TRPC5: variants seen among roughly 807,000 people sequenced by gnomAD.
TRPC5 encodes the protein short transient receptor potential channel 5.
A neutral mutation model predicts 56.5 loss-of-function variants in TRPC5; 9 were observed. That is an observed-to-expected ratio of 0.16 (90% CI 0.10 to 0.28). TRPC5 has a LOEUF of 0.28. Ranked by LOEUF, TRPC5 falls within the 10% of genes least tolerant of loss-of-function variation. TRPC5 has a pLI of 1.00. For missense variants in TRPC5, 469 were observed against 748.9 expected, an observed-to-expected ratio of 0.63 and a Z score of 4.36; for synonymous variants, 282 against 278.5, an observed-to-expected ratio of 1.01 and a Z score of -0.13.
intron 1 of TRPC5, among the ~76,000 whole-genome samples, chrX:111,982,503 T>C (rs1334401254): frequency 3.6e-5 from 4 of 111,364 alleles, no homozygotes; most frequent in Non-Finnish European, 7.5e-5. Flanking sequence ...CAGGGCATGG[T>C]AATATTAAGA....
intron 1 of TRPC5, among the ~76,000 whole-genome samples, chrX:112,000,490 G>A (rs73548172): frequency 0.06 from 6,681 of 111,893 alleles, 500 homozygotes; most frequent in African/African-American, 0.2. Context: ...CTGGGGAGCA[G>A]CGTGGGCTTT....
rs188091389 is a variant in TRPC5 at position 112,061,161 on chromosome X, G to T, written c.-22+20718C>A. 1.5e-3 allele frequency among the ~76,000 whole-genome samples: 173 copies of T among 112,278 alleles called. 1 individual carries two copies. Among genetic ancestry groups the T allele is most frequent in the Non-Finnish European group, 2.5e-3 (133 of 53,271 alleles). On this transcript the variant is annotated intron_variant, in intron 1 of 10. Coordinates refer to ENST00000262839, the MANE Select transcript of TRPC5 (RefSeq NM_012471.3). ...TAATTAAACATACACAGAGTTTCTT[G>T]GACTGTATCAAGCTCTGTTTACTGT...
intron 1 of TRPC5, among the ~76,000 whole-genome samples, chrX:111,999,100 C>T (rs1280834277): frequency 4.5e-5 from 5 of 110,883 alleles, no homozygotes; most frequent in African/African-American, 1.3e-4. Context: ...CCTTGTGCCC[C>T]AACCCCTGAC....
At chrX:112,076,097 C>T (rs1930827939) in intron 1 of TRPC5, among the ~76,000 whole-genome samples, 1 of 111,975 alleles carries the variant, frequency 8.9e-6, no homozygotes, top group East Asian at 2.8e-4. Context: ...ATTGATAACA[C>T]GTGCTATTGT....
chrX:112,021,981 A>T (rs1266440743), intron 1 of TRPC5, among the ~76,000 whole-genome samples: 1 of 112,281 alleles, frequency 8.9e-6, no homozygotes, highest in Non-Finnish European at 1.9e-5. Flanking sequence ...AATAAACGGG[A>T]TGATGATTTG....
intron 6 of TRPC5, among the ~76,000 whole-genome samples, chrX:111,840,457 GA>G (rs1173452922): frequency 1.8e-5 from 2 of 112,051 alleles, no homozygotes; most frequent in African/African-American, 6.5e-5. Flanking sequence ...ATAATGACAG[GA>G]AAAAAAGTCT....
At chrX:112,001,626 T>G (rs1928699005) in intron 1 of TRPC5, among the ~76,000 whole-genome samples, 1 of 111,271 alleles carries the variant, frequency 9.0e-6, no homozygotes, top group Non-Finnish European at 1.9e-5. Flanking sequence ...CCAGGCATGT[T>G]GGTGCACGCT....
At chrX:111,995,771 T>A (rs1325087661) in intron 1 of TRPC5, among the ~76,000 whole-genome samples, 1 of 111,126 alleles carries the variant, frequency 9.0e-6, no homozygotes, top group Non-Finnish European at 1.9e-5. Context: ...TTTATATATA[T>A]TTTATAGTAT....
At chrX:112,041,881 G>A (rs146435332) in intron 1 of TRPC5, among the ~76,000 whole-genome samples, 242 of 111,488 alleles carry the variant, frequency 2.2e-3, no homozygotes, top group Non-Finnish European at 3.9e-3. Flanking sequence ...TTTTATGAAC[G>A]TGGCTCCTCT....
At chrX:112,051,714 GCAAT>G (rs1186939541) in intron 1 of TRPC5, among the ~76,000 whole-genome samples, 1 of 112,127 alleles carries the variant, frequency 8.9e-6, no homozygotes, top group Non-Finnish European at 1.9e-5. Flanking sequence ...ACATGGTTGT[GCAAT>G]CAGTCTCTAG....
chrX:111,936,589 G>T lies in TRPC5; in HGVS notation c.378+15454C>A, dbSNP rs762845245. Among the ~76,000 whole-genome samples the T allele has an allele frequency of 1.9e-3, 204 of 105,061 alleles. 1 individual carries two copies. The highest frequency in any genetic ancestry group is 6.9e-3 in the African/African-American group (199 of 28,716). The allele number at this position is 105,061 out of a possible 115,157, so 91.2% of individuals were successfully genotyped here. A position where few individuals can be genotyped will look rare whatever the true frequency, so the allele number is the denominator to read the frequency against. On this transcript the variant is annotated intron_variant, in intron 2 of 10. Transcript: ENST00000262839. Reference sequence around the variant, plus strand: ...AATTCCCACCTATGAGTGAGAATATGCGGTGTTTGGTTTTTTGTTCTTGCG... The same window carrying T: ...AATTCCCACCTATGAGTGAGAATATTCGGTGTTTGGTTTTTTGTTCTTGCG...
chrX:111,907,054 C>T (rs752455170), intron 3 of TRPC5, among the ~76,000 whole-genome samples: 1 of 106,707 alleles, frequency 9.4e-6, no homozygotes, highest in South Asian at 4.3e-4. Flanking sequence ...AATTCTGTTC[C>T]TGGGAAATAA....
chrX:111,815,309 A>T, intron 7 of TRPC5, among the ~76,000 whole-genome samples: 1 of 111,427 alleles, frequency 9.0e-6, no homozygotes, highest in East Asian at 2.8e-4. Context: ...TACACAAAAA[A>T]ATTATGCTCT....
chrX:111,896,814 TCTTTA>T (rs1360488938), intron 3 of TRPC5, among the ~76,000 whole-genome samples: 1 of 112,062 alleles, frequency 8.9e-6, no homozygotes, highest in East Asian at 2.8e-4. Context: ...CAGCTCTGCA[TCTTTA>T]CTTATGTGAT....
intron 1 of TRPC5, among the ~76,000 whole-genome samples, chrX:112,080,859 T>C (rs1288693452): frequency 8.9e-6 from 1 of 112,374 alleles, no homozygotes; most frequent in East Asian, 2.8e-4. Context: ...AAGATAAATA[T>C]ATGGCAATAG....
intron 3 of TRPC5, among the ~76,000 whole-genome samples, chrX:111,881,633 T>C (rs1200931561): frequency 9.3e-6 from 1 of 108,103 alleles, no homozygotes; most frequent in Non-Finnish European, 1.9e-5. Context: ...CAATTCAGGG[T>C]TTGCTTGCTG....
intron 1 of TRPC5, among the ~76,000 whole-genome samples, chrX:112,012,191 G>A (rs1929008846): frequency 1.8e-5 from 2 of 110,942 alleles, no homozygotes; most frequent in Admixed American, 9.6e-5. Context: ...TTCCTGACAG[G>A]ATCAGACTTT....
chrX:111,838,101 TAAACAAAC>T (rs200099012), intron 6 of TRPC5, among the ~76,000 whole-genome samples: 1 of 109,171 alleles, frequency 9.2e-6, no homozygotes, highest in African/African-American at 3.4e-5. Context: ...AAATAAATAA[TAAACAAAC>T]AAAGAATGCA....
At chrX:111,812,664 G>A (rs1301414830) in intron 7 of TRPC5, among the ~76,000 whole-genome samples, 6 of 111,345 alleles carry the variant, frequency 5.4e-5, no homozygotes, top group Admixed American at 3.8e-4. Context: ...GGAGTACAGC[G>A]GTATTACCTG....
Sources: allele counts gnomAD v4.1 joint callset (sites outside exome capture counted in the v4.1 genomes callset), GRCh38; gene constraint gnomAD v4.1.1; transcripts MANE v1.5; gene names NCBI Gene and HGNC (gene_info 2026-07-23, HGNC 2026-07-21).